The following USH2A variants were observed in gnomAD, a reference collection of about 807,000 sequenced individuals.
USH2A encodes Usher syndrome 2A (autosomal recessive, mild).
A neutral mutation model predicts 538.9 loss-of-function variants in USH2A; 443 were observed. That is an observed-to-expected ratio of 0.82 (90% CI 0.76 to 0.89). The LOEUF (loss-of-function observed/expected upper bound fraction) is 0.89. USH2A is among the 40% of genes least tolerant of loss of function. USH2A has a pLI of 0.00. For synonymous variants in USH2A, 2,413 were observed against 2,273.5 expected (o/e 1.06, Z -1.75); for missense variants, 6,633 against 6,324.8 (o/e 1.05, Z -1.65).
rs985062799 is a variant in USH2A at position 216,410,062 on chromosome 1, A to G, written c.651+8452T>C. ...AAAAGTGGGCAAAGGACATAAATAG[A>G]CCCTTTTCAAAAGAAGACATACATG... On this transcript the variant is annotated intron_variant, in intron 3 of 71. Transcript: ENST00000307340. Among the ~76,000 whole-genome samples the G allele has an allele frequency of 3.3e-5, 5 of 152,242 alleles. No homozygotes were observed. In the South Asian group the frequency reaches 6.2e-4, roughly 19 times the overall value.
chr1:215,669,297 G>A (rs1313025654), intron 64 of USH2A, among the ~76,000 whole-genome samples: 2 of 152,252 alleles, frequency 1.3e-5, no homozygotes, highest in East Asian at 3.9e-4. Context: ...CTCAATAAAG[G>A]TAATGAGAAA....
At position 216,175,454 on chromosome 1, in the gene USH2A, A is replaced by T; in HGVS notation, c.4425T>A (p.Val1475=). The change falls in exon 21 of 72, where the codon GTT becomes GTA. Residue 1475 remains valine (V), a synonymous_variant. Coordinates refer to ENST00000307340, the MANE Select transcript of USH2A (RefSeq NM_206933.4). ...GGATTGTTGTGCTGTTGATTCCTTT[A>T]ACCAGAGGTGGCCTCAGTTGTGCTG... ...AAPAQLRPPL[V]KGINSTTIHL... is the part of the protein sequence containing the mutation. The T allele has an allele frequency of 6.2e-7, 1 of 1,613,834 alleles. No individual in the cohort carries two copies. Among genetic ancestry groups the T allele is most frequent in the Non-Finnish European group, 8.5e-7 (1 of 1,179,866 alleles).
At chr1:216,299,971 A>G (rs1339916679) in intron 9 of USH2A, among the ~76,000 whole-genome samples, 1 of 152,186 alleles carries the variant, frequency 6.6e-6, no homozygotes, top group East Asian at 1.9e-4. Context: ...ATACTGTTCT[A>G]TTATCATTTT....
At chr1:216,111,117 A>C (rs1292162663) in intron 21 of USH2A, among the ~76,000 whole-genome samples, 1 of 152,088 alleles carries the variant, frequency 6.6e-6, no homozygotes, top group Non-Finnish European at 1.5e-5. Flanking sequence ...CCAGCTACTC[A>C]GGAGGTTGCG....
intron 71 of USH2A, 38 bp from the exon 72 acceptor site, chr1:215,625,908 C>G (rs1025593677): frequency 6.4e-7 from 1 of 1,555,290 alleles, no homozygotes; most frequent in African/African-American, 1.4e-5. Context: ...TACATACTTG[C>G]TATCAATAGT....
chr1:215,998,111 T>G (rs969351239), intron 34 of USH2A, among the ~76,000 whole-genome samples: 6 of 152,074 alleles, frequency 3.9e-5, no homozygotes, highest in African/African-American at 1.2e-4. Flanking sequence ...TCTATGGCAT[T>G]TATCAAAGCA....
intron 60 of USH2A, among the ~76,000 whole-genome samples, chr1:215,735,595 T>C (rs1660133421): frequency 2.0e-5 from 3 of 152,142 alleles, no homozygotes; most frequent in Non-Finnish European, 4.4e-5. Context: ...AAAACACAGA[T>C]GAACAAAAGC....
chr1:215,702,798 C>T (rs1334576746), intron 61 of USH2A, among the ~76,000 whole-genome samples: 2 of 151,798 alleles, frequency 1.3e-5, no homozygotes, highest in Admixed American at 6.6e-5. Flanking sequence ...TACCTTGCTT[C>T]TGAAGCCTAT....
At chr1:216,148,725 T>C (rs1395215998) in intron 21 of USH2A, among the ~76,000 whole-genome samples, 4 of 151,960 alleles carry the variant, frequency 2.6e-5, no homozygotes, top group African/African-American at 7.3e-5. Context: ...ATACACCCTG[T>C]GGTGCCAAAC....
chr1:215,757,145 T>C (rs1660837681), intron 58 of USH2A, among the ~76,000 whole-genome samples: 1 of 152,174 alleles, frequency 6.6e-6, no homozygotes, highest in Admixed American at 6.5e-5. Context: ...AATTATTCCT[T>C]TATATTTTGT....
At chr1:215,836,771 T>C (rs1362267849) in intron 47 of USH2A, among the ~76,000 whole-genome samples, 1 of 149,102 alleles carries the variant, frequency 6.7e-6, no homozygotes, top group Non-Finnish European at 1.5e-5. Context: ...TTAGCCAGGA[T>C]GGTCTCGATC....
intron 40 of USH2A, among the ~76,000 whole-genome samples, chr1:215,892,281 A>G (rs1376425866): frequency 6.6e-6 from 1 of 151,274 alleles, no homozygotes; most frequent in African/African-American, 2.4e-5. Context: ...ATGACTGATC[A>G]GTCAGTTTTC....
chr1:215,849,159 G>A (rs1389846779), intron 44 of USH2A, among the ~76,000 whole-genome samples: 7 of 152,238 alleles, frequency 4.6e-5, no homozygotes, highest in Non-Finnish European at 7.4e-5. Context: ...CATAAGACAA[G>A]GGAAATCTTG....
intron 60 of USH2A, among the ~76,000 whole-genome samples, chr1:215,738,293 G>A (rs1014752597): frequency 6.6e-6 from 1 of 152,092 alleles, no homozygotes; most frequent in African/African-American, 2.4e-5. Flanking sequence ...TCTATACTCA[G>A]TCAATAAACA....
rs2039710839 is a variant in USH2A at position 216,423,277 on chromosome 1, T to G, written c.-268A>C. 6.6e-6 allele frequency: 1 copy of G among 152,192 alleles called. No individual in the cohort carries two copies. The highest frequency in any genetic ancestry group is 1.5e-5 in the Non-Finnish European group (1 of 68,028). The allele number at this position is 152,192 out of a possible 1,614,324, so 9.4% of individuals were successfully genotyped here. A position where few individuals can be genotyped will look rare whatever the true frequency, so the allele number is the denominator to read the frequency against. ...ACAAATGGCTCTTCAACAGGACCGC[T>G]GTCCCTCGTTGCCTGGCAACGCTGC... On this transcript the variant is annotated 5_prime_UTR_variant, in exon 1 of 72. Coordinates refer to ENST00000307340, the MANE Select transcript of USH2A (RefSeq NM_206933.4).
intron 69 of USH2A, 74 bp from the exon 70 acceptor site, chr1:215,634,777 G>T: frequency 6.2e-7 from 1 of 1,611,270 alleles, no homozygotes; most frequent in Non-Finnish European, 8.5e-7. Flanking sequence ...CCTGCTATTT[G>T]ATAGTAAATT....
intron 15 of USH2A, among the ~76,000 whole-genome samples, chr1:216,217,148 A>G (rs1003694181): frequency 4.6e-5 from 7 of 152,048 alleles, no homozygotes; most frequent in Non-Finnish European, 1.0e-4. Flanking sequence ...TGTTGATTTC[A>G]CTCCAAAAAA....
intron 21 of USH2A, among the ~76,000 whole-genome samples, chr1:216,172,681 T>TA (rs935941992): frequency 6.6e-5 from 10 of 151,370 alleles, no homozygotes; most frequent in South Asian, 6.3e-4. Context: ...TAATTGCTAT[T>TA]AAAAAAAAAC....
intron 21 of USH2A, among the ~76,000 whole-genome samples, chr1:216,118,315 A>C (rs1337382142): frequency 6.6e-6 from 1 of 152,170 alleles, no homozygotes; most frequent in Non-Finnish European, 1.5e-5. Flanking sequence ...ATATTTTAGC[A>C]CTATTTTTAC....
Sources: allele counts gnomAD v4.1 joint callset (sites outside exome capture counted in the v4.1 genomes callset), GRCh38; gene constraint gnomAD v4.1.1; transcripts MANE v1.5; gene names NCBI Gene and HGNC (gene_info 2026-07-23, HGNC 2026-07-21).